PZP: variants seen among roughly 807,000 people sequenced by gnomAD.
PZP encodes PZP alpha-2-macroglobulin like.
PZP carries 150 observed loss-of-function variants against 179.8 expected under a neutral mutation model. That is an observed-to-expected ratio of 0.83 (90% confidence interval 0.73 to 0.96). The LOEUF (loss-of-function observed/expected upper bound fraction) is 0.96, where lower values mean the gene tolerates loss of function less well. PZP is among the 40% of genes least tolerant of loss of function. PZP has a pLI of 0.00. For missense variants in PZP, 1,689 were observed against 1,764.0 expected (o/e 0.96, Z 0.76); for synonymous variants, 624 against 652.3 (o/e 0.96, Z 0.66).
At chr12:9,183,763 A>T (rs1355090605) in intron 13 of PZP, among the ~76,000 whole-genome samples, 1 of 152,180 alleles carries the variant, frequency 6.6e-6, no homozygotes, top group Non-Finnish European at 1.5e-5. Flanking sequence ...TTATAACTCT[A>T]CGTAGAATGT....
Position 9,149,613 on chromosome 12 carries a change from A to G in PZP, c.4385-11T>C. ...CAACCACAGACTCATCTGAAAGATAACGTTGGGTGAAGGAAGAAACGAAAG... is the reference window on the plus strand; with the variant it reads ...CAACCACAGACTCATCTGAAAGATAGCGTTGGGTGAAGGAAGAAACGAAAG... On this transcript the variant is annotated splice_polypyrimidine_tract_variant and intron_variant, in intron 34 of 35. Transcript: ENST00000261336. 3 of 1,612,504 alleles carry G rather than the reference A, an allele frequency of 1.9e-6. No individual in the cohort carries two copies. The highest frequency in any genetic ancestry group is 2.5e-6 in the Non-Finnish European group (3 of 1,179,056).
intron 13 of PZP, 84 bp from the exon 14 acceptor site, chr12:9,182,201 T>C: frequency 3.0e-6 from 2 of 662,148 alleles, no homozygotes; most frequent in Non-Finnish European, 4.2e-6. Flanking sequence ...CACTATTGCT[T>C]GGTCTTATCC....
intron 13 of PZP, among the ~76,000 whole-genome samples, chr12:9,187,261 C>A (rs1943187363): frequency 6.6e-6 from 1 of 152,020 alleles, no homozygotes; most frequent in Non-Finnish European, 1.5e-5. Flanking sequence ...CTTCAACACT[C>A]CACAGACAGT....
At position 9,203,639 on chromosome 12, in the gene PZP, C is replaced by T. The variant is rs947107511; in HGVS notation, c.267+129G>A. The T allele has an allele frequency of 4.5e-6, 5 of 1,103,736 alleles. No homozygotes were observed. In the African/African-American group the frequency reaches 7.9e-5, roughly 17 times the overall value. The allele number at this position is 1,103,736 out of a possible 1,614,324, so 68.4% of individuals were successfully genotyped here. ...TACAGGCGTGAGCCACCGCACCTGG[C>T]CCCTGAAGTCCTAACTACATTCTTA... On this transcript the variant is annotated intron_variant, in intron 2 of 35. Transcript: ENST00000261336.
At chr12:9,178,659 G>A (rs772309682) in intron 15 of PZP, among the ~76,000 whole-genome samples, 16 of 152,162 alleles carry the variant, frequency 1.1e-4, no homozygotes, top group Non-Finnish European at 1.6e-4. Context: ...CAAAAATTAT[G>A]GCTACAGCAC....
Position 9,161,136 on chromosome 12 carries a change from A to G in PZP, c.2789-20T>C. The G allele has an allele frequency of 6.6e-7, 1 of 1,510,396 alleles. No homozygotes were observed. The highest frequency in any genetic ancestry group is 9.1e-7 in the Non-Finnish European group (1 of 1,102,072). 93.6% of individuals were successfully genotyped at this position (1,510,396 alleles called of 1,614,324 possible). A position where few individuals can be genotyped will look rare whatever the true frequency, so the allele number is the denominator to read the frequency against. ...TAGCACCTTTAGAAACAGACAGCCC[A>G]TGTTAAAGGAGGACATCTATGATTA... is the stretch of plus-strand genomic sequence containing the variant. On this transcript the variant is annotated intron_variant, in intron 22 of 35. Transcript: ENST00000261336.
At chr12:9,185,922 C>T (rs903972735) in intron 13 of PZP, among the ~76,000 whole-genome samples, 6 of 151,718 alleles carry the variant, frequency 4.0e-5, no homozygotes, top group Admixed American at 3.9e-4. Context: ...GTTCTCCTGC[C>T]TCAGCCTCCC....
At position 9,161,063 on chromosome 12, in the gene PZP, C is replaced by T; in HGVS notation, c.2842G>A (p.Glu948Lys). The stretch of plus-strand genomic sequence containing the variant: ...ACTGAGAAAGAAGCTCTGGCAGATT[C>T]TTTGACCACATTTGATGGGAGCTTC... ...SLKLPSNVVK[E>K]SARASFSVLG... Residue 948 changes from glutamate (E) to lysine (K), a missense_variant, in exon 23 of 36, where the codon GAA becomes AAA. Physicochemically the swap from Glu to Lys is moderately conservative, Grantham distance 56. Transcript: ENST00000261336. 15 of 1,603,558 alleles carry T rather than the reference C, an allele frequency of 9.4e-6. No homozygotes were observed. Among genetic ancestry groups the T allele is most frequent in the Non-Finnish European group, 1.3e-5 (15 of 1,170,638 alleles).
chr12:9,201,082 G>A (rs775577870), intron 5 of PZP, 22 bp from the exon 6 acceptor site: 15 of 1,612,628 alleles, frequency 9.3e-6, no homozygotes, highest in Non-Finnish European at 1.3e-5. Context: ...CAAGAAACAT[G>A]GGCGGTAATC....
rs1419493627 is a variant in PZP at position 9,159,944 on chromosome 12, T to G, written c.3131A>C (p.Asn1044Thr). 6.2e-7 allele frequency: 1 copy of G among 1,610,590 alleles called. No homozygotes were observed. Among genetic ancestry groups the G allele is most frequent in the South Asian group, 1.1e-5 (1 of 90,994 alleles). ...AATAGATTTTCTTTCTTACCAAGTG[T>G]TGCCCTGGTTCCTGCCATATCGTTC... ...FGERYGRNQG[N>T]TWLTAFVLKT... is the part of the protein sequence containing the mutation. Residue 1044 changes from asparagine to threonine, a missense_variant, in exon 25 of 36, where the codon AAC (asparagine) becomes ACC (threonine). Coordinates refer to ENST00000261336, the MANE Select transcript of PZP (RefSeq NM_002864.3).
At chr12:9,202,447 G>A in intron 3 of PZP, 76 bp from the exon 4 acceptor site, 1 of 1,612,112 alleles carries the variant, frequency 6.2e-7, no homozygotes, top group African/African-American at 1.3e-5. Flanking sequence ...GAGGCTACGG[G>A]GCTAGGATAA....
At chr12:9,180,858 C>G in intron 15 of PZP, 125 bp downstream of exon 15, 8 of 960,076 alleles carry the variant, frequency 8.3e-6, no homozygotes, top group Non-Finnish European at 1.2e-5. Flanking sequence ...TCAGAGTGAA[C>G]AGGCAACCTA....
intron 19 of PZP, among the ~76,000 whole-genome samples, chr12:9,164,793 G>T (rs1728770106): frequency 6.6e-6 from 1 of 152,196 alleles, no homozygotes; most frequent in Non-Finnish European, 1.5e-5. Context: ...GAGATTTCAA[G>T]ATGACGGGTT....
intron 2 of PZP, among the ~76,000 whole-genome samples, chr12:9,203,462 CT>C (rs1404590672): frequency 6.6e-6 from 1 of 151,838 alleles, no homozygotes; most frequent in African/African-American, 2.4e-5. Flanking sequence ...CTGCCTCAGC[CT>C]CCCAGGTAGC....
At chr12:9,157,098 A>G in intron 28 of PZP, 77 bp downstream of exon 28, 1 of 1,398,834 alleles carries the variant, frequency 7.1e-7, no homozygotes, top group Non-Finnish European at 9.8e-7. Flanking sequence ...CCTCCCAGAC[A>G]GGCCCCAATG....
intron 11 of PZP, among the ~76,000 whole-genome samples, chr12:9,193,176 GC>G (rs1943553745): frequency 6.6e-6 from 1 of 152,072 alleles, no homozygotes; most frequent in Non-Finnish European, 1.5e-5. Flanking sequence ...TAGCATTTAT[GC>G]CTCTTATCAT....
At chr12:9,164,347 C>G (rs1197844988) in intron 19 of PZP, 88 bp from the exon 20 acceptor site, 7 of 1,406,142 alleles carry the variant, frequency 5.0e-6, no homozygotes, top group Non-Finnish European at 4.8e-6. Flanking sequence ...TGAGATGCTG[C>G]AGTAAATTGG....
chr12:9,160,185 T>A, intron 24 of PZP, 129 bp downstream of exon 24: 1 of 1,087,436 alleles, frequency 9.2e-7, no homozygotes, highest in Middle Eastern at 2.1e-4. Flanking sequence ...AACATCCTAT[T>A]AGAGTGTGGG....
Position 9,150,727 on chromosome 12 carries a change from C to T in PZP, c.4301G>A (p.Ser1434Asn). The T allele has an allele frequency of 6.2e-7, 1 of 1,612,124 alleles. No individual in the cohort carries two copies. The highest frequency in any genetic ancestry group is 1.1e-5 in the South Asian group (1 of 90,776). Residue 1434 changes from serine (S) to asparagine (N), a missense_variant, in exon 34 of 36, where the codon AGT (serine) becomes AAT (asparagine). By Grantham distance (46) the Ser-to-Asn change is conservative. This residue lies in a region of PZP where 746 missense variants were observed against 749.2 expected (regional missense o/e 1.00). Transcript: ENST00000261336. The part of the protein sequence containing the change: ...YVEQVTNQTL[S>N]FSFMVLQDIP... ...GTCTTGCAGAACCATGAAGGAAAAACTTAGCGTCTGATTTGTCACCTGAAA... is the reference window on the plus strand; with the variant it reads ...GTCTTGCAGAACCATGAAGGAAAAATTTAGCGTCTGATTTGTCACCTGAAA...
Sources: gnomAD v4.1 joint callset for allele counts (sites outside exome capture counted in the v4.1 genomes callset) on GRCh38, gnomAD v4.1.1 for gene constraint, gnomAD v4.1.1 regional missense constraint, MANE v1.5 for transcripts, NCBI Gene and HGNC (gene_info 2026-07-23, HGNC 2026-07-21) for gene names.